The following NTNG1 variants were observed in gnomAD, a reference collection of about 807,000 sequenced individuals.
NTNG1 encodes netrin-G1.
Under a neutral mutation model 54.0 loss-of-function variants are expected in NTNG1, and 16 were observed. The ratio of observed to expected loss-of-function variants is 0.30; its 90% CI spans 0.20 to 0.45. NTNG1 has a LOEUF of 0.45. Among genes scored for constraint, NTNG1 ranks in the 20% least tolerant of loss-of-function variants. The pLI is 1.00. For synonymous variants in NTNG1, 255 were observed against 263.1 expected, an observed-to-expected ratio of 0.97 and a Z score of 0.30; for missense variants, 530 against 678.7, an observed-to-expected ratio of 0.78 and a Z score of 2.43.
At position 107,435,933 on chromosome 1, in the gene NTNG1, G is replaced by A. The variant is rs562223381; in HGVS notation, c.1256-732G>A. The stretch of plus-strand genomic sequence containing the variant: ...AAAAATATCCTATATAAGAATGTGT[G>A]AGGAATCAAGAAAACACTGTATTCA... On this transcript the variant is annotated intron_variant, in intron 6 of 7. Coordinates refer to ENST00000370068, the MANE Select transcript of NTNG1 (RefSeq NM_001113226.3). 2.0e-5 allele frequency among the ~76,000 whole-genome samples: 3 copies of A among 152,266 alleles called. No individual in the cohort carries two copies. In the South Asian group the frequency reaches 6.2e-4, roughly 32 times the overall value.
At chr1:107,157,964 G>T (rs964082150) in intron 2 of NTNG1, among the ~76,000 whole-genome samples, 7 of 152,036 alleles carry the variant, frequency 4.6e-5, no homozygotes, top group Admixed American at 3.3e-4. Context: ...ATGGATTTCT[G>T]CACTGGATTT....
intron 2 of NTNG1, among the ~76,000 whole-genome samples, chr1:107,231,362 G>A (rs1661055941): frequency 1.3e-5 from 2 of 152,296 alleles, no homozygotes; most frequent in South Asian, 2.1e-4. Flanking sequence ...TGAGCAGGCT[G>A]TGGAGCTAAG....
chr1:107,191,749 G>A (rs879851325), intron 2 of NTNG1, among the ~76,000 whole-genome samples: 7,552 of 147,628 alleles, frequency 0.051, 226 homozygotes, highest in African/African-American at 0.089. Flanking sequence ...GATATGTGGC[G>A]TTATTTCTGA....
At chr1:107,452,387 C>T (rs947914751) in intron 7 of NTNG1, among the ~76,000 whole-genome samples, 1 of 152,158 alleles carries the variant, frequency 6.6e-6, no homozygotes, top group Non-Finnish European at 1.5e-5. Context: ...GTGGACAGTA[C>T]ACTTACTATG....
chr1:107,419,892 TC>T (rs1253170147), intron 5 of NTNG1, among the ~76,000 whole-genome samples: 3 of 152,020 alleles, frequency 2.0e-5, no homozygotes, highest in Non-Finnish European at 4.4e-5. Context: ...AATCATCTGC[TC>T]CAAATGAATT....
chr1:107,361,623 A>C (rs1670308936), intron 3 of NTNG1, among the ~76,000 whole-genome samples: 1 of 151,546 alleles, frequency 6.6e-6, no homozygotes, highest in Non-Finnish European at 1.5e-5. Flanking sequence ...CCTGATCTCA[A>C]GTGATCCACC....
intron 5 of NTNG1, among the ~76,000 whole-genome samples, chr1:107,430,419 A>T (rs889935435): frequency 6.6e-6 from 1 of 152,154 alleles, no homozygotes; most frequent in Admixed American, 6.6e-5. Context: ...ATCTGCAAAA[A>T]ATAAAAATAA....
At chr1:107,147,184 T>C (rs1401573317) in intron 1 of NTNG1, among the ~76,000 whole-genome samples, 1 of 152,138 alleles carries the variant, frequency 6.6e-6, no homozygotes, top group Non-Finnish European at 1.5e-5. Context: ...TCAAAAGTAC[T>C]TTTACACAGT....
At chr1:107,340,604 A>G (rs1238116558) in intron 3 of NTNG1, among the ~76,000 whole-genome samples, 4 of 152,102 alleles carry the variant, frequency 2.6e-5, no homozygotes, top group African/African-American at 9.7e-5. Context: ...ACATATGTAA[A>G]GATTCCAATG....
chr1:107,251,538 T>A (rs1464366312), intron 2 of NTNG1, among the ~76,000 whole-genome samples: 2 of 152,188 alleles, frequency 1.3e-5, no homozygotes, highest in African/African-American at 4.8e-5. Context: ...TCCCACAAGT[T>A]CTGCATCTTC....
At chr1:107,190,099 C>T (rs1004525704) in intron 2 of NTNG1, among the ~76,000 whole-genome samples, 2 of 152,096 alleles carry the variant, frequency 1.3e-5, no homozygotes, top group Non-Finnish European at 2.9e-5. Flanking sequence ...TATGTGAGCT[C>T]TCCAGAGTAG....
chr1:107,336,962 A>G (rs991900367), intron 3 of NTNG1, among the ~76,000 whole-genome samples: 1 of 151,964 alleles, frequency 6.6e-6, no homozygotes, highest in Non-Finnish European at 1.5e-5. Flanking sequence ...ATTCAAAAAC[A>G]TAAAATAACA....
intron 3 of NTNG1, among the ~76,000 whole-genome samples, chr1:107,349,752 A>G (rs554535417): frequency 5.3e-5 from 8 of 152,146 alleles, no homozygotes; most frequent in Non-Finnish European, 1.2e-4. Context: ...TTTCTAGCCT[A>G]ATATTATGCT....
chr1:107,211,738 A>T (rs1388571541), intron 2 of NTNG1, among the ~76,000 whole-genome samples: 3 of 152,206 alleles, frequency 2.0e-5, no homozygotes, highest in Non-Finnish European at 4.4e-5. Context: ...ACATTTTATG[A>T]CACCTGGAGG....
At chr1:107,268,721 T>A (rs959340063) in intron 2 of NTNG1, among the ~76,000 whole-genome samples, 3 of 152,166 alleles carry the variant, frequency 2.0e-5, no homozygotes, top group Non-Finnish European at 4.4e-5. Flanking sequence ...CATGGTGAAC[T>A]TATCTAAGAT....
intron 2 of NTNG1, among the ~76,000 whole-genome samples, chr1:107,230,512 A>G (rs1474576256): frequency 6.6e-6 from 1 of 152,068 alleles, no homozygotes; most frequent in African/African-American, 2.4e-5. Context: ...CATTTTTAGG[A>G]CTCTGGAAAG....
intron 2 of NTNG1, among the ~76,000 whole-genome samples, chr1:107,182,844 G>A (rs1229985813): frequency 2.0e-5 from 3 of 152,198 alleles, no homozygotes; most frequent in South Asian, 4.2e-4. Context: ...CCGCTGATTC[G>A]CTGTGATTCA....
intron 2 of NTNG1, among the ~76,000 whole-genome samples, chr1:107,238,682 C>A (rs746941990): frequency 6.6e-6 from 1 of 152,090 alleles, no homozygotes; most frequent in Non-Finnish European, 1.5e-5. Context: ...TTTTCCTGTA[C>A]AAGCTTTTTT....
chr1:107,176,034 G>A (rs530357072), intron 2 of NTNG1, among the ~76,000 whole-genome samples: 62 of 152,226 alleles, frequency 4.1e-4, no homozygotes, highest in African/African-American at 1.3e-3. Context: ...GGTATTTTGA[G>A]GAGAAGGCAA....
Sources: allele counts gnomAD v4.1 joint callset (sites outside exome capture counted in the v4.1 genomes callset), GRCh38; gene constraint gnomAD v4.1.1; transcripts MANE v1.5; gene names NCBI Gene and HGNC (gene_info 2026-07-23, HGNC 2026-07-21).